Variants in WNT2B observed in about 807,000 individuals in gnomAD.
The protein encoded by WNT2B is protein Wnt-2b.
In WNT2B, 19 loss-of-function variants were observed where a neutral mutation model predicts 40.5. That is an observed-to-expected ratio of 0.47 (90% CI 0.33 to 0.69). The LOEUF is 0.69. WNT2B is among the 30% of genes least tolerant of loss of function. The pLI is 0.02. For synonymous variants in WNT2B, 220 were observed against 211.9 expected, an observed-to-expected ratio of 1.04 and a Z score of -0.33; for missense variants, 467 against 556.4, an observed-to-expected ratio of 0.84 and a Z score of 1.62.
upstream of WNT2B, among the ~76,000 whole-genome samples, chr1:112,505,604 C>T (rs1214355119): frequency 6.6e-6 from 1 of 152,234 alleles, no homozygotes; most frequent in South Asian, 2.1e-4. Context: ...CACAACAAGC[C>T]TTTGCGTGAG....
Position 112,526,105 on chromosome 1 carries a change from C to T in WNT2B, c.*5596C>T. 1 of 1,614,074 alleles carries T rather than the reference C, an allele frequency of 6.2e-7. No homozygotes were observed. The highest frequency in any genetic ancestry group is 8.5e-7 in the Non-Finnish European group (1 of 1,180,004). On this transcript the variant is annotated 3_prime_UTR_variant, in exon 5 of 5. Transcript: ENST00000369684. ...GCCCAGGGTTGGGGGCACCAGAGTC[C>T]CAGCACCTTCAAAACAGAAATTGAT...
chr1:112,473,758 C>T (rs1402401268), intron 1 of WNT2B, among the ~76,000 whole-genome samples: 1 of 151,864 alleles, frequency 6.6e-6, no homozygotes, highest in African/African-American at 2.4e-5. Flanking sequence ...GAAACTGCAA[C>T]AAGAAACATC....
rs577264886 is a variant in WNT2B at position 112,498,536 on chromosome 1, ATC to A, written c.-94-16330_-94-16329del. Among the ~76,000 whole-genome samples the A allele has an allele frequency of 1.3e-4, 19 of 150,516 alleles. No individual in the cohort carries two copies. The South Asian group carries it at 3.8e-3, about 30-fold the overall frequency. On this transcript the variant is annotated intron_variant, in intron 1 of 4. Coordinates refer to the WNT2B transcript ENST00000256640. ...AGACTTGAGCCACCACACCCAGCCA[ATC>A]TCTCTCTTTTTTTTTTTAATGGCTG...
exon 1 of WNT2B, chr1:112,466,702 T>TA (rs749351612): frequency 1.6e-4 from 25 of 152,318 alleles, no homozygotes; most frequent in Non-Finnish European, 3.2e-4. Context: ...TCATAACTGT[T>TA]AAAAAGGGGC....
chr1:112,487,304 A>C (rs532521977), intron 1 of WNT2B, among the ~76,000 whole-genome samples: 44 of 152,320 alleles, frequency 2.9e-4, no homozygotes, highest in African/African-American at 1.1e-3. Flanking sequence ...GAGGGAGCAA[A>C]GAGAATAGAA....
intron 4 of WNT2B, among the ~76,000 whole-genome samples, chr1:112,519,582 A>C (rs1191453256): frequency 6.6e-6 from 1 of 152,256 alleles, no homozygotes; most frequent in African/African-American, 2.4e-5. Context: ...GGAAAACATG[A>C]TCCCTATCCT....
chr1:112,496,752 C>A (rs571754766), intron 1 of WNT2B, among the ~76,000 whole-genome samples: 2 of 152,160 alleles, frequency 1.3e-5, no homozygotes, highest in African/African-American at 2.4e-5. Context: ...AGGCATGTAC[C>A]ACTACGCCCG....
chr1:112,473,128 AG>A (rs1650939167), intron 1 of WNT2B, among the ~76,000 whole-genome samples: 1 of 95,280 alleles, frequency 1.0e-5, no homozygotes, highest in South Asian at 4.2e-4. Context: ...GAAAGAAAAA[AG>A]AGAAAGAAAG....
chr1:112,487,958 A>T lies in WNT2B; in HGVS notation c.-95+20367A>T, dbSNP rs78354026. ...CAAAAAAAAAAAAAAAAAAAAAAAA[A>T]ATCTAAGCTGTTGGTAGACGACTCA... On this transcript the variant is annotated intron_variant, in intron 1 of 4. Transcript: ENST00000256640. 1.7e-5 allele frequency among the ~76,000 whole-genome samples: 2 copies of T among 116,750 alleles called. 1 individual carries two copies. The highest frequency in any genetic ancestry group is 6.0e-5 in the African/African-American group (2 of 33,068). The allele number at this position is 116,750 out of a possible 152,430, so 76.6% of individuals were successfully genotyped here.
At chr1:112,514,388 G>A (rs1466403922) in intron 1 of WNT2B, among the ~76,000 whole-genome samples, 1 of 152,080 alleles carries the variant, frequency 6.6e-6, no homozygotes, top group Admixed American at 6.6e-5. Context: ...CTCTTCCCAC[G>A]AGCCCCTCCC....
At chr1:112,491,285 G>A (rs181828480) in intron 1 of WNT2B, among the ~76,000 whole-genome samples, 22 of 152,232 alleles carry the variant, frequency 1.4e-4, no homozygotes, top group Admixed American at 3.3e-4. Context: ...GTGGGCGCCT[G>A]TAATCCCAGC....
In WNT2B at chr1:112,526,221, A is replaced by G; in HGVS notation, c.*5712A>G. ...AAAGGAACAGCCTAGGCCCTCCTGAACCTTATCAACCAATGGCTCTTTTGC... is the reference window on the plus strand; with the variant it reads ...AAAGGAACAGCCTAGGCCCTCCTGAGCCTTATCAACCAATGGCTCTTTTGC... On this transcript the variant is annotated 3_prime_UTR_variant, in exon 5 of 5. Transcript: ENST00000369684. 6.9e-7 allele frequency: 1 copy of G among 1,450,648 alleles called. No homozygotes were observed. The highest frequency in any genetic ancestry group is 9.3e-7 in the Non-Finnish European group (1 of 1,074,348). The allele number at this position is 1,450,648 out of a possible 1,614,324, so 89.9% of individuals were successfully genotyped here.
chr1:112,502,339 C>G (rs997228999), intron 1 of WNT2B, among the ~76,000 whole-genome samples: 1 of 152,234 alleles, frequency 6.6e-6, no homozygotes, highest in African/African-American at 2.4e-5. Flanking sequence ...CTGCACCCCG[C>G]TCTCCCCTCT....
intron 1 of WNT2B, among the ~76,000 whole-genome samples, chr1:112,501,706 G>T (rs10776752): frequency 0.09 from 13,766 of 152,116 alleles, 930 homozygotes; most frequent in East Asian, 0.3. Flanking sequence ...AGCTCTTTGG[G>T]GTCCTTGATA....
upstream of WNT2B, among the ~76,000 whole-genome samples, chr1:112,507,563 A>T (rs935422026): frequency 2.0e-5 from 3 of 152,088 alleles, no homozygotes; most frequent in Non-Finnish European, 4.4e-5. Context: ...GAGAGAGGTT[A>T]AAGGTTCCTC....
intron 1 of WNT2B, among the ~76,000 whole-genome samples, chr1:112,495,819 C>G (rs1285009289): frequency 6.6e-6 from 1 of 152,180 alleles, no homozygotes; most frequent in East Asian, 1.9e-4. Context: ...TTATGTCTCA[C>G]AGTTCTGCAG....
At chr1:112,519,045 C>T (rs936812763) in intron 4 of WNT2B, among the ~76,000 whole-genome samples, 1 of 152,134 alleles carries the variant, frequency 6.6e-6, no homozygotes, top group Admixed American at 6.6e-5. Flanking sequence ...CCCTGGACAG[C>T]ACAGCTCCAC....
chr1:112,498,441 G>T (rs1463392096), intron 1 of WNT2B, among the ~76,000 whole-genome samples: 2 of 151,760 alleles, frequency 1.3e-5, no homozygotes, highest in Admixed American at 1.3e-4. Flanking sequence ...CACCATGTTG[G>T]CCAGGCTGGT....
intron 1 of WNT2B, among the ~76,000 whole-genome samples, chr1:112,474,838 A>G (rs1363425759): frequency 6.6e-6 from 1 of 152,220 alleles, no homozygotes; most frequent in African/African-American, 2.4e-5. Flanking sequence ...TGTTCTCATG[A>G]TAATGAGTAA....
Sources: allele counts gnomAD v4.1 joint callset (sites outside exome capture counted in the v4.1 genomes callset), GRCh38; gene constraint gnomAD v4.1.1; transcripts MANE v1.5; gene names NCBI Gene and HGNC (gene_info 2026-07-23, HGNC 2026-07-21).